The following DPP10 variants were observed in gnomAD, a reference collection of about 807,000 sequenced individuals.
DPP10 encodes dipeptidyl peptidase like 10.
Under a neutral mutation model 120.9 loss-of-function variants are expected in DPP10, and 33 were observed. That is an observed-to-expected ratio of 0.27 (90% CI 0.21 to 0.37). DPP10 has a LOEUF of 0.37. DPP10 is among the 10% of genes least tolerant of loss of function. DPP10 has a pLI of 1.00. For missense variants in DPP10, 816 were observed against 942.8 expected, an observed-to-expected ratio of 0.87 and a Z score of 1.76; for synonymous variants, 337 against 326.1, an observed-to-expected ratio of 1.03 and a Z score of -0.36.
At chr2:115,386,973 T>G (rs1317086670) in intron 3 of DPP10, among the ~76,000 whole-genome samples, 1 of 152,118 alleles carries the variant, frequency 6.6e-6, no homozygotes, top group Admixed American at 6.6e-5. Flanking sequence ...AGTGCTAAAT[T>G]CAGCTGTGGA....
At chr2:115,270,745 A>G (rs1296166591) in intron 1 of DPP10, among the ~76,000 whole-genome samples, 1 of 152,226 alleles carries the variant, frequency 6.6e-6, no homozygotes, top group East Asian at 1.9e-4. Flanking sequence ...CATTGCAGAT[A>G]CTAGTAATTG....
At chr2:114,479,208 C>T (rs1680787196) in intron 1 of DPP10, among the ~76,000 whole-genome samples, 1 of 152,074 alleles carries the variant, frequency 6.6e-6, no homozygotes, top group South Asian at 2.1e-4. Context: ...TCCCAAGTTT[C>T]TGTTTTGTTT....
At chr2:114,452,776 GC>G (rs1388972002) in intron 1 of DPP10, among the ~76,000 whole-genome samples, 3 of 152,096 alleles carry the variant, frequency 2.0e-5, no homozygotes, top group African/African-American at 4.8e-5. Context: ...TTAAATTGAT[GC>G]CCAAATATCA....
At chr2:115,302,543 G>A (rs2061186486) in intron 1 of DPP10, among the ~76,000 whole-genome samples, 1 of 151,874 alleles carries the variant, frequency 6.6e-6, no homozygotes, top group Non-Finnish European at 1.5e-5. Flanking sequence ...CATGAGCCCA[G>A]GAGGTTGATA....
chr2:114,467,251 A>G (rs1169325957), intron 1 of DPP10, among the ~76,000 whole-genome samples: 1 of 152,204 alleles, frequency 6.6e-6, no homozygotes, highest in Non-Finnish European at 1.5e-5. Flanking sequence ...TGCAAACTCA[A>G]TTGCTTAGAG....
intron 5 of DPP10, among the ~76,000 whole-genome samples, chr2:115,654,973 C>G (rs973685684): frequency 2.0e-5 from 3 of 151,648 alleles, no homozygotes; most frequent in African/African-American, 7.2e-5. Context: ...TTTCTAATTT[C>G]CAAAATTCTA....
intron 1 of DPP10, among the ~76,000 whole-genome samples, chr2:115,267,931 C>T (rs1024800003): frequency 6.6e-6 from 1 of 152,184 alleles, no homozygotes; most frequent in African/African-American, 2.4e-5. Flanking sequence ...AGGCCTATGT[C>T]TGGCTCACAA....
At chr2:114,767,411 AT>A (rs1680832873) in intron 1 of DPP10, among the ~76,000 whole-genome samples, 1 of 151,436 alleles carries the variant, frequency 6.6e-6, no homozygotes. Flanking sequence ...GAGAGGCGAA[AT>A]TTTAAAAAAT....
At chr2:114,671,086 T>C (rs745959576) in intron 1 of DPP10, among the ~76,000 whole-genome samples, 5 of 152,184 alleles carry the variant, frequency 3.3e-5, no homozygotes, top group Non-Finnish European at 7.3e-5. Context: ...AGTCTTTTTC[T>C]GGCTAAACTA....
chr2:114,961,536 A>G (rs2104720185), intron 1 of DPP10, among the ~76,000 whole-genome samples: 1 of 152,176 alleles, frequency 6.6e-6, no homozygotes, highest in South Asian at 2.1e-4. Context: ...TATCTTATGA[A>G]ATGTAATTGG....
chr2:115,707,744 C>G, intron 7 of DPP10, among the ~76,000 whole-genome samples: 1 of 151,710 alleles, frequency 6.6e-6, no homozygotes, highest in East Asian at 1.9e-4. Context: ...AATGATTCTT[C>G]TATATGTGCA....
intron 2 of DPP10, among the ~76,000 whole-genome samples, chr2:115,317,699 G>T (rs1198821385): frequency 6.9e-5 from 10 of 144,516 alleles, no homozygotes; most frequent in African/African-American, 1.0e-4. Flanking sequence ...GTTTTAATTT[G>T]CATTTCCCTA....
chr2:114,763,511 C>T (rs1158719127), intron 1 of DPP10, among the ~76,000 whole-genome samples: 1 of 152,074 alleles, frequency 6.6e-6, no homozygotes, highest in Non-Finnish European at 1.5e-5. Flanking sequence ...TTGTTTTTCT[C>T]CTGGTTTAAA....
intron 1 of DPP10, among the ~76,000 whole-genome samples, chr2:115,044,782 C>G (rs557435270): frequency 6.6e-6 from 1 of 152,270 alleles, no homozygotes; most frequent in Non-Finnish European, 1.5e-5. Context: ...ACTACCCTTC[C>G]CAATGTCTGA....
intron 1 of DPP10, among the ~76,000 whole-genome samples, chr2:114,908,462 G>A (rs1694134650): frequency 6.6e-6 from 1 of 151,782 alleles, no homozygotes; most frequent in Non-Finnish European, 1.5e-5. Context: ...TACTTGCTTA[G>A]TGGATGCACT....
intron 21 of DPP10, among the ~76,000 whole-genome samples, chr2:115,818,712 C>T (rs1378108009): frequency 6.6e-6 from 1 of 152,168 alleles, no homozygotes; most frequent in Admixed American, 6.5e-5. Flanking sequence ...AGAGGATCTT[C>T]ATTGCCACTG....
At chr2:115,706,256 C>T (rs905168636) in intron 7 of DPP10, among the ~76,000 whole-genome samples, 2 of 151,918 alleles carry the variant, frequency 1.3e-5, no homozygotes, top group South Asian at 2.1e-4. Flanking sequence ...ATCCCACAAA[C>T]TTCCTTTAAT....
chr2:114,649,989 G>A (rs1374643451), intron 1 of DPP10, among the ~76,000 whole-genome samples: 2 of 151,956 alleles, frequency 1.3e-5, no homozygotes, highest in Non-Finnish European at 2.9e-5. Context: ...AGGAGAACAA[G>A]TTTTGCCTTA....
intron 1 of DPP10, among the ~76,000 whole-genome samples, chr2:114,523,578 T>C (rs182178677): frequency 1.3e-5 from 2 of 152,272 alleles, no homozygotes; most frequent in Admixed American, 1.3e-4. Flanking sequence ...TCTGAATGCA[T>C]TTCACTGAGA....
Sources: allele counts gnomAD v4.1 joint callset (sites outside exome capture counted in the v4.1 genomes callset), GRCh38; gene constraint gnomAD v4.1.1; transcripts MANE v1.5; gene names NCBI Gene and HGNC (gene_info 2026-07-23, HGNC 2026-07-21).